Variants in HIBADH observed in about 807,000 individuals in gnomAD.
HIBADH encodes 3-hydroxyisobutyrate dehydrogenase.
Under a neutral mutation model 36.1 loss-of-function variants are expected in HIBADH, and 25 were observed. The observed-to-expected ratio is 0.69, with a 90% CI of 0.50 to 0.97. The LOEUF (loss-of-function observed/expected upper bound fraction) is 0.97, where lower values mean the gene tolerates loss of function less well. Ranked by LOEUF, HIBADH falls within the 50% of genes least tolerant of loss-of-function variation. HIBADH has a pLI of 0.00. For missense variants in HIBADH, 421 were observed against 418.0 expected, an observed-to-expected ratio of 1.01 and a Z score of -0.06; for synonymous variants, 160 against 149.5, an observed-to-expected ratio of 1.07 and a Z score of -0.51.
chr7:27,570,141 A>G (rs992039857), intron 4 of HIBADH, among the ~76,000 whole-genome samples: 3 of 152,144 alleles, frequency 2.0e-5, no homozygotes, highest in Non-Finnish European at 2.9e-5. Context: ...TAAAAGTTCT[A>G]TTTTCCTTCT....
At chr7:27,552,062 T>A (rs188024589) in intron 4 of HIBADH, among the ~76,000 whole-genome samples, 2 of 152,198 alleles carry the variant, frequency 1.3e-5, no homozygotes, top group African/African-American at 2.4e-5. Context: ...AACAATATAA[T>A]CCCGTGAAAG....
intron 4 of HIBADH, among the ~76,000 whole-genome samples, chr7:27,571,500 C>T (rs183302658): frequency 6.6e-6 from 1 of 152,320 alleles, no homozygotes; most frequent in Admixed American, 6.5e-5. Context: ...GCTGGGACTA[C>T]AGGCATGAGC....
At chr7:27,605,731 G>A (rs1785213377) in intron 4 of HIBADH, among the ~76,000 whole-genome samples, 1 of 150,898 alleles carries the variant, frequency 6.6e-6, no homozygotes, top group Non-Finnish European at 1.5e-5. Context: ...TTAGAGTTTA[G>A]AAATCTTTTC....
chr7:27,586,588 C>T (rs570510214), intron 4 of HIBADH, among the ~76,000 whole-genome samples: 2 of 150,282 alleles, frequency 1.3e-5, no homozygotes, highest in African/African-American at 4.9e-5. Context: ...ATTATTTTTA[C>T]TTTTTAACTC....
At chr7:27,612,897 T>C (rs984424651) in intron 4 of HIBADH, among the ~76,000 whole-genome samples, 1 of 145,684 alleles carries the variant, frequency 6.9e-6, no homozygotes, top group Non-Finnish European at 1.5e-5. Flanking sequence ...CAGTAAGCTA[T>C]TATTGCATCA....
At chr7:27,614,648 T>C (rs1583598502) in intron 4 of HIBADH, among the ~76,000 whole-genome samples, 1 of 152,228 alleles carries the variant, frequency 6.6e-6, no homozygotes. Context: ...TGTTGCTATA[T>C]AAAAATCCTC....
intron 2 of HIBADH, among the ~76,000 whole-genome samples, chr7:27,642,321 G>C (rs1352238044): frequency 6.6e-6 from 1 of 152,016 alleles, no homozygotes; most frequent in African/African-American, 2.4e-5. Context: ...CTTAAGAGTT[G>C]CTTATTTTTT....
At position 27,659,359 on chromosome 7, in the gene HIBADH, T is replaced by C. The variant is rs1351954256; in HGVS notation, c.91+3339A>G. Reference sequence around the variant, plus strand: ...CAATTTTATCAAACAGGTGATGAAATAGTAATACATGTACACTTTAACATT... The same window carrying C: ...CAATTTTATCAAACAGGTGATGAAACAGTAATACATGTACACTTTAACATT... On this transcript the variant is annotated intron_variant, in intron 1 of 7. Coordinates refer to ENST00000265395, the MANE Select transcript of HIBADH (RefSeq NM_152740.4). 2.6e-5 allele frequency among the ~76,000 whole-genome samples: 4 copies of C among 152,216 alleles called. No individual in the cohort carries two copies. In the South Asian group the frequency reaches 6.2e-4, roughly 24 times the overall value.
intron 4 of HIBADH, among the ~76,000 whole-genome samples, chr7:27,586,763 C>T (rs557160303): frequency 1.3e-3 from 196 of 152,258 alleles, no homozygotes; most frequent in African/African-American, 4.2e-3. Context: ...GTGACCACCT[C>T]GACTTTCCTG....
chr7:27,649,481 C>G lies in HIBADH; in HGVS notation c.244G>C (p.Gly82Arg), dbSNP rs1786137804. 4 of 1,610,568 alleles carry G rather than the reference C, an allele frequency of 2.5e-6. No individual in the cohort carries two copies. Among genetic ancestry groups the G allele is most frequent in the Non-Finnish European group, 3.4e-6 (4 of 1,178,394 alleles). ...PDACKEFQDAGEQVVSSPADV... is the reference protein window; with the variant it reads ...PDACKEFQDAREQVVSSPADV... ...TAAAGAAAAGGTCTTACCTGTTCAC[C>G]TGCATCTTGAAACTCTTTGCAGGCA... Residue 82 changes from glycine to arginine, a missense_variant, in exon 2 of 8, where the codon GGT (glycine) becomes CGT (arginine). Physicochemically the swap from Gly to Arg is moderately radical, Grantham distance 125 (BLOSUM62 -2). Coordinates refer to ENST00000265395, the MANE Select transcript of HIBADH (RefSeq NM_152740.4).
At chr7:27,637,050 G>C (rs551341095) in intron 2 of HIBADH, among the ~76,000 whole-genome samples, 1 of 152,190 alleles carries the variant, frequency 6.6e-6, no homozygotes, top group Admixed American at 6.5e-5. Flanking sequence ...TGGTGTTTGG[G>C]GTATGTTGGA....
intron 7 of HIBADH, 68 bp downstream of exon 7, chr7:27,531,124 G>A: frequency 7.0e-7 from 1 of 1,422,708 alleles, no homozygotes; most frequent in East Asian, 2.4e-5. Flanking sequence ...TTAAGAGAAA[G>A]AGAAGGAAGG....
At chr7:27,569,314 C>CT (rs1014274139) in intron 4 of HIBADH, among the ~76,000 whole-genome samples, 17 of 152,162 alleles carry the variant, frequency 1.1e-4, no homozygotes, top group African/African-American at 4.1e-4. Context: ...GGGTTGGTAT[C>CT]TTGTCTCTTC....
At chr7:27,537,190 C>T (rs1010447711) in intron 6 of HIBADH, among the ~76,000 whole-genome samples, 1 of 152,090 alleles carries the variant, frequency 6.6e-6, no homozygotes, top group Admixed American at 6.6e-5. Flanking sequence ...CATGCTTTAC[C>T]ATCTTATGGA....
chr7:27,578,346 C>T (rs1170026703), intron 4 of HIBADH, among the ~76,000 whole-genome samples: 9 of 148,214 alleles, frequency 6.1e-5, no homozygotes, highest in African/African-American at 1.5e-4. Context: ...GAGACAGTTT[C>T]GCTTTGTTGC....
chr7:27,580,049 AAG>A (rs1008214774), intron 4 of HIBADH, among the ~76,000 whole-genome samples: 6 of 152,244 alleles, frequency 3.9e-5, no homozygotes, highest in Admixed American at 6.5e-5. Flanking sequence ...ATTAAGGGAA[AAG>A]AGATATAGAA....
At chr7:27,650,602 C>T (rs1786169129) in intron 1 of HIBADH, among the ~76,000 whole-genome samples, 1 of 151,212 alleles carries the variant, frequency 6.6e-6, no homozygotes, top group Admixed American at 6.6e-5. Flanking sequence ...AAGCAATTCT[C>T]ATGCCTTAGC....
chr7:27,567,633 T>C (rs887215342), intron 4 of HIBADH, among the ~76,000 whole-genome samples: 6 of 152,142 alleles, frequency 3.9e-5, no homozygotes, highest in African/African-American at 1.4e-4. Flanking sequence ...TGCATCTTTG[T>C]ATAGGGTGTG....
intron 4 of HIBADH, among the ~76,000 whole-genome samples, chr7:27,585,252 T>C (rs1289243104): frequency 8.3e-6 from 1 of 120,372 alleles, no homozygotes; most frequent in Non-Finnish European, 1.7e-5. Flanking sequence ...TGTGCATATA[T>C]ACACACGTGT....
Sources: gnomAD v4.1 joint callset for allele counts (sites outside exome capture counted in the v4.1 genomes callset) on GRCh38, gnomAD v4.1.1 for gene constraint, MANE v1.5 for transcripts, NCBI Gene and HGNC (gene_info 2026-07-23, HGNC 2026-07-21) for gene names.